Variants in CDH18 observed in about 807,000 individuals in gnomAD.
The protein encoded by CDH18 is cadherin-18.
Under a neutral mutation model 67.9 loss-of-function variants are expected in CDH18, and 31 were observed. The observed-to-expected ratio is 0.46, with a 90% confidence interval of 0.34 to 0.62. The LOEUF is 0.62. CDH18 is among the 20% of genes least tolerant of loss of function. The pLI is 0.01. For missense variants in CDH18, 890 were observed against 975.5 expected (o/e 0.91, Z 1.17); for synonymous variants, 362 against 347.2 (o/e 1.04, Z -0.48).
chr5:20,430,991 T>G (rs2150175135), intron 1 of CDH18, among the ~76,000 whole-genome samples: 1 of 152,318 alleles, frequency 6.6e-6, no homozygotes, highest in East Asian at 1.9e-4. Flanking sequence ...ATATTTATAC[T>G]TGTTAATGTA....
At chr5:19,811,440 G>C (rs1778732303) in intron 3 of CDH18, among the ~76,000 whole-genome samples, 1 of 152,068 alleles carries the variant, frequency 6.6e-6, no homozygotes. Flanking sequence ...TGAGATGGCT[G>C]TCTAGGAGAG....
intron 5 of CDH18, among the ~76,000 whole-genome samples, chr5:19,638,015 T>A (rs1753415566): frequency 6.6e-6 from 1 of 152,196 alleles, no homozygotes; most frequent in Non-Finnish European, 1.5e-5. Flanking sequence ...TTGCCCATCT[T>A]CTCTTCACAA....
intron 2 of CDH18, among the ~76,000 whole-genome samples, chr5:20,083,745 A>G (rs1744693859): frequency 6.6e-6 from 1 of 152,222 alleles, no homozygotes; most frequent in African/African-American, 2.4e-5. Context: ...AGGAAGAGCA[A>G]GTCACGTCTT....
chr5:19,655,787 C>T (rs987806246), intron 5 of CDH18, among the ~76,000 whole-genome samples: 7 of 152,040 alleles, frequency 4.6e-5, no homozygotes, highest in Admixed American at 1.3e-4. Flanking sequence ...TCAGTTATCC[C>T]GGTGTCTCTG....
At chr5:20,382,949 T>C (rs1019588070) in intron 1 of CDH18, among the ~76,000 whole-genome samples, 7 of 152,090 alleles carry the variant, frequency 4.6e-5, no homozygotes, top group Non-Finnish European at 1.0e-4. Context: ...ACAATTAATT[T>C]TTCATCCAAA....
intron 2 of CDH18, among the ~76,000 whole-genome samples, chr5:20,073,986 T>A (rs1185243460): frequency 6.6e-6 from 1 of 152,078 alleles, no homozygotes; most frequent in Non-Finnish European, 1.5e-5. Context: ...GTTTTTGAAA[T>A]GACCATTGAT....
At chr5:19,488,615 G>A (rs1740783935) in intron 11 of CDH18, among the ~76,000 whole-genome samples, 1 of 152,052 alleles carries the variant, frequency 6.6e-6, no homozygotes, top group African/African-American at 2.4e-5. Flanking sequence ...CATTATCAGA[G>A]TGCATGCATC....
intron 2 of CDH18, among the ~76,000 whole-genome samples, chr5:19,855,587 C>T (rs1489819853): frequency 6.6e-6 from 1 of 152,052 alleles, no homozygotes; most frequent in East Asian, 1.9e-4. Flanking sequence ...TCCCTCTGCT[C>T]ACTCATCCAT....
At chr5:20,389,307 T>G (rs1205189815) in intron 1 of CDH18, among the ~76,000 whole-genome samples, 6 of 152,202 alleles carry the variant, frequency 3.9e-5, no homozygotes, top group Non-Finnish European at 2.9e-5. Flanking sequence ...CATTATGTAA[T>G]GGCCTTCTTT....
At chr5:20,130,078 A>ATTG (rs1554093994) in intron 2 of CDH18, among the ~76,000 whole-genome samples, 41 of 142,130 alleles carry the variant, frequency 2.9e-4, no homozygotes, top group South Asian at 9.1e-4. Context: ...TATTATTGTT[A>ATTG]TTATTATTAT....
intron 1 of CDH18, among the ~76,000 whole-genome samples, chr5:20,431,504 A>AAAAAAAAGAAG (rs536468948): frequency 1.9e-3 from 261 of 138,684 alleles, no homozygotes; most frequent in East Asian, 3.8e-3. Flanking sequence ...AAAAAAAAAA[A>AAAAAAAAGAAG]AAGAAGAAGA....
At chr5:19,699,775 C>T (rs757249769) in intron 5 of CDH18, among the ~76,000 whole-genome samples, 16 of 151,904 alleles carry the variant, frequency 1.1e-4, no homozygotes, top group Non-Finnish European at 2.1e-4. Flanking sequence ...CTTGGACTTC[C>T]CAGTCTTCAG....
chr5:19,887,480 C>T (rs1400020910), intron 2 of CDH18, among the ~76,000 whole-genome samples: 1 of 151,930 alleles, frequency 6.6e-6, no homozygotes, highest in Non-Finnish European at 1.5e-5. Context: ...ATTTAAGAAA[C>T]AAAATCATGA....
chr5:20,111,310 G>A (rs1426072000), intron 2 of CDH18, among the ~76,000 whole-genome samples: 1 of 151,996 alleles, frequency 6.6e-6, no homozygotes, highest in Non-Finnish European at 1.5e-5. Flanking sequence ...TATGAAGAAA[G>A]GCTCAGTAGG....
Position 20,350,022 on chromosome 5 carries a change from A to G in CDH18, c.-579-94517T>C, listed in dbSNP as rs181552136. The stretch of plus-strand genomic sequence containing the variant: ...TAGCTTACTCAACCTGGAAGCAGAA[A>G]TAGTAAAGCCTGGCTCAAAAAATAT... On this transcript the variant is annotated intron_variant, in intron 1 of 14. Transcript: ENST00000507958. Among the ~76,000 whole-genome samples the G allele has an allele frequency of 3.3e-5, 5 of 152,272 alleles. No homozygotes were observed. In the East Asian group the frequency reaches 5.8e-4, roughly 18 times the overall value.
intron 2 of CDH18, among the ~76,000 whole-genome samples, chr5:19,963,452 G>GAT (rs1797112644): frequency 6.6e-6 from 1 of 152,062 alleles, no homozygotes; most frequent in East Asian, 1.9e-4. Context: ...TCATGGGAGG[G>GAT]ATCTGGTGGG....
chr5:20,325,546 C>T (rs1445402468), intron 1 of CDH18, among the ~76,000 whole-genome samples: 3 of 152,140 alleles, frequency 2.0e-5, no homozygotes, highest in South Asian at 2.1e-4. Flanking sequence ...CCTTCCGCCA[C>T]CCATCCCTCA....
intron 2 of CDH18, among the ~76,000 whole-genome samples, chr5:19,972,169 G>A (rs1798091326): frequency 6.6e-6 from 1 of 151,986 alleles, no homozygotes; most frequent in African/African-American, 2.4e-5. Flanking sequence ...GAATGAGTTT[G>A]TTTATTTTTA....
intron 1 of CDH18, among the ~76,000 whole-genome samples, chr5:20,277,303 CAG>C (rs779937791): frequency 1.3e-5 from 2 of 151,946 alleles, no homozygotes; most frequent in Non-Finnish European, 2.9e-5. Flanking sequence ...CAACTCAGCA[CAG>C]AGAGAGAGAC....
Sources: allele counts gnomAD v4.1 joint callset (sites outside exome capture counted in the v4.1 genomes callset), GRCh38; gene constraint gnomAD v4.1.1; transcripts MANE v1.5; gene names NCBI Gene and HGNC (gene_info 2026-07-23, HGNC 2026-07-21).